DNAJC13: variants seen among roughly 807,000 people sequenced by gnomAD.
DNAJC13 encodes DnaJ heat shock protein family (Hsp40) member C13, also known as dnaJ homolog subfamily C member 13.
Under a neutral mutation model 290.5 loss-of-function variants are expected in DNAJC13, and 75 were observed. The ratio of observed to expected loss-of-function variants is 0.26; its 90% CI spans 0.21 to 0.31. The LOEUF (loss-of-function observed/expected upper bound fraction) is 0.31, where lower values mean the gene tolerates loss of function less well. DNAJC13 is among the 10% of genes least tolerant of loss of function. The pLI, the probability that DNAJC13 is intolerant of heterozygous loss-of-function variation, is 1.00. For synonymous variants in DNAJC13, 862 were observed against 892.0 expected (o/e 0.97, Z 0.60); for missense variants, 2,260 against 2,674.5 (o/e 0.85, Z 3.42).
chr3:132,429,020 A>G (rs1221611659), intron 1 of DNAJC13, among the ~76,000 whole-genome samples: 1 of 152,240 alleles, frequency 6.6e-6, no homozygotes, highest in Non-Finnish European at 1.5e-5. Flanking sequence ...GGCGTGAGCT[A>G]CGGCGCCCAG....
At position 132,506,127 on chromosome 3, in the gene DNAJC13, G is replaced by A. The variant is rs529895907; in HGVS notation, c.4998+712G>A. 4.5e-5 allele frequency among the ~76,000 whole-genome samples: 6 copies of A among 133,740 alleles called. No individual in the cohort carries two copies. The East Asian group carries it at 9.2e-4, about 20-fold the overall frequency. The allele number at this position is 133,740 out of a possible 152,430, so 87.7% of individuals were successfully genotyped here. On this transcript the variant is annotated intron_variant, in intron 42 of 55. Transcript: ENST00000260818. ...GAGTGCAATGGCATGATCTCGGCTC[G>A]TCGCAACCTCCACCTCCTGGGTTCA...
At chr3:132,498,825 C>T (rs1398612926) in intron 36 of DNAJC13, among the ~76,000 whole-genome samples, 7 of 152,040 alleles carry the variant, frequency 4.6e-5, no homozygotes, top group Admixed American at 3.3e-4. Flanking sequence ...ACACCTTTCT[C>T]CTGCCTCAGC....
chr3:132,512,419 T>C (rs1935804556), intron 44 of DNAJC13, among the ~76,000 whole-genome samples: 1 of 152,174 alleles, frequency 6.6e-6, no homozygotes, highest in African/African-American at 2.4e-5. Flanking sequence ...GATAAGAAAT[T>C]ACACTGTATG....
At chr3:132,428,597 A>T (rs1437070078) in intron 1 of DNAJC13, among the ~76,000 whole-genome samples, 1 of 152,066 alleles carries the variant, frequency 6.6e-6, no homozygotes, top group Non-Finnish European at 1.5e-5. Flanking sequence ...GGCATGAGAC[A>T]TGGTGCCTAG....
At chr3:132,503,925 G>A (rs137866684) in intron 41 of DNAJC13, among the ~76,000 whole-genome samples, 15 of 150,966 alleles carry the variant, frequency 9.9e-5, no homozygotes, top group Non-Finnish European at 1.9e-4. Context: ...TAGCACTAAA[G>A]AATTTGATAA....
At chr3:132,483,812 AC>A (rs1576490766) in intron 28 of DNAJC13, among the ~76,000 whole-genome samples, 2 of 152,348 alleles carry the variant, frequency 1.3e-5, no homozygotes. Flanking sequence ...ACTGAGACTT[AC>A]AATAGTAACA....
intron 2 of DNAJC13, among the ~76,000 whole-genome samples, chr3:132,443,719 A>T (rs1233512244): frequency 2.0e-5 from 3 of 152,162 alleles, no homozygotes; most frequent in Admixed American, 6.5e-5. Context: ...CATGGGGAGT[A>T]CTTAAGGAAG....
intron 13 of DNAJC13, among the ~76,000 whole-genome samples, chr3:132,459,999 CTT>C (rs1013807821): frequency 1.8e-4 from 28 of 152,140 alleles, no homozygotes; most frequent in African/African-American, 5.8e-4. Flanking sequence ...AGATCTGTGA[CTT>C]TTGAGAGAGT....
At chr3:132,479,989 A>G (rs1384952274) in intron 25 of DNAJC13, among the ~76,000 whole-genome samples, 1 of 152,204 alleles carries the variant, frequency 6.6e-6, no homozygotes, top group African/African-American at 2.4e-5. Flanking sequence ...TATGAAAACA[A>G]ACTGGAACAT....
rs1313255346 is a variant in DNAJC13 at position 132,471,345 on chromosome 3, A to ACC, written c.2209-1792_2209-1791dup. ...GGGCGGCTGGCCGGGCGGGGGGTTGACCCCCCCCCACCTCCCTCCCGGACG... is the reference window on the plus strand; with the variant it reads ...GGGCGGCTGGCCGGGCGGGGGGTTGACCCCCCCCCCCACCTCCCTCCCGGACG... On this transcript the variant is annotated intron_variant, in intron 20 of 55. Transcript: ENST00000260818. Among the ~76,000 whole-genome samples the ACC allele has an allele frequency of 2.7e-3, 210 of 77,080 alleles. 4 individuals carry two copies. Among genetic ancestry groups the ACC allele is most frequent in the African/African-American group, 8.6e-3 (197 of 22,820 alleles). The allele number at this position is 77,080 out of a possible 152,430, so 50.6% of individuals were successfully genotyped here. A position where few individuals can be genotyped will look rare whatever the true frequency, so the allele number is the denominator to read the frequency against.
Position 132,456,535 on chromosome 3 carries a change from T to C in DNAJC13, c.1134T>C (p.Asn378=), listed in dbSNP as rs1559876584. 1.9e-6 allele frequency: 3 copies of C among 1,614,054 alleles called. No individual in the cohort carries two copies. The highest frequency in any genetic ancestry group is 2.5e-6 in the Non-Finnish European group (3 of 1,179,938). ...GNFADAVFRF[N]ANISYSGVLH... ...TTGCAGATGCTGTATTCAGGTTCAA[T>C]GCTAATATTTCATACAGTGGAGTCC... The change falls in exon 11 of 56, where the codon AAT becomes AAC. Residue 378 remains asparagine (N), a synonymous_variant. Coordinates refer to ENST00000260818, the MANE Select transcript of DNAJC13 (RefSeq NM_015268.4).
chr3:132,457,276 G>T lies in DNAJC13; in HGVS notation c.1357G>T (p.Glu453Ter). 6.3e-7 allele frequency: 1 copy of T among 1,597,736 alleles called. No homozygotes were observed. The highest frequency in any genetic ancestry group is 1.4e-5 in the African/African-American group (1 of 73,888). The change falls in exon 13 of 56, where the codon GAG (glutamate) becomes TAG (stop). Residue 453 changes from glutamate (E) to a stop codon, truncating the protein, a stop_gained. Coordinates refer to ENST00000260818, the MANE Select transcript of DNAJC13 (RefSeq NM_015268.4). LOFTEE classifies it high-confidence loss of function. ...LAFTQLPKFR[E>*]RLGVKVVKAL... is the part of the protein sequence containing the mutation. ...TGTTTTTTGTTCCAAAAGGTTTCGC[G>T]AGCGTCTAGGGGTGAAGGTAGTAAA... is the stretch of plus-strand genomic sequence containing the variant.
chr3:132,447,510 C>G, intron 4 of DNAJC13, 40 bp downstream of exon 4: 4 of 1,495,720 alleles, frequency 2.7e-6, no homozygotes, highest in African/African-American at 1.4e-5. Context: ...TTTCTTTCTT[C>G]TCTTTTTAAA....
intron 33 of DNAJC13, 120 bp from the exon 34 acceptor site, chr3:132,494,024 T>C: frequency 1.4e-6 from 1 of 691,088 alleles, no homozygotes; most frequent in Non-Finnish European, 2.4e-6. Context: ...TTCAGAAAGC[T>C]GTTAATTGGA....
chr3:132,483,813 C>A (rs145652427), intron 28 of DNAJC13, among the ~76,000 whole-genome samples: 3 of 152,122 alleles, frequency 2.0e-5, no homozygotes, highest in Non-Finnish European at 4.4e-5. Flanking sequence ...CTGAGACTTA[C>A]AATAGTAACA....
chr3:132,472,380 A>G (rs1392545320), intron 20 of DNAJC13, among the ~76,000 whole-genome samples: 2 of 152,200 alleles, frequency 1.3e-5, no homozygotes, highest in African/African-American at 2.4e-5. Flanking sequence ...TTGAATTCTC[A>G]AAGGGTTTAT....
intron 1 of DNAJC13, among the ~76,000 whole-genome samples, chr3:132,426,848 A>C (rs1296940041): frequency 6.6e-6 from 1 of 152,116 alleles, no homozygotes; most frequent in Non-Finnish European, 1.5e-5. Flanking sequence ...TCAAACATAA[A>C]TTTAAAAATA....
intron 13 of DNAJC13, chr3:132,458,037 C>T (rs1412496955): frequency 6.6e-6 from 1 of 152,092 alleles, no homozygotes; most frequent in African/African-American, 2.4e-5. Context: ...TAAAAACCCA[C>T]ACTGGTAGTA....
intron 2 of DNAJC13, among the ~76,000 whole-genome samples, chr3:132,444,241 G>C (rs1310699514): frequency 2.6e-5 from 4 of 152,160 alleles, no homozygotes; most frequent in African/African-American, 9.7e-5. Context: ...CCTGTCCATG[G>C]AAAAATTGTC....
Sources: gnomAD v4.1 joint callset for allele counts (sites outside exome capture counted in the v4.1 genomes callset) on GRCh38, gnomAD v4.1.1 for gene constraint, MANE v1.5 for transcripts, NCBI Gene and HGNC (gene_info 2026-07-23, HGNC 2026-07-21) for gene names.